Variants in CALHM4 observed in about 807,000 individuals in gnomAD.
CALHM4 encodes calcium homeostasis modulator protein 4.
Under a neutral mutation model 13.3 loss-of-function variants are expected in CALHM4, and 16 were observed. The observed-to-expected ratio is 1.20, with a 90% CI of 0.81 to 1.82. CALHM4 has a LOEUF of 1.82. Among genes scored for constraint, CALHM4 ranks in the 40% most tolerant of loss-of-function variants. The pLI, the probability that CALHM4 is intolerant of heterozygous loss-of-function variation, is 0.00. For synonymous variants in CALHM4, 127 were observed against 137.1 expected (o/e 0.93, Z 0.52); for missense variants, 344 against 374.9 (o/e 0.92, Z 0.68).
Position 116,557,982 on chromosome 6 carries a change from ACTCTCGG to A in CALHM4, c.720_726del (p.Arg241SerfsTer2). The A allele has an allele frequency of 6.2e-7, 1 of 1,613,908 alleles. No individual in the cohort carries two copies. The highest frequency in any genetic ancestry group is 2.2e-5 in the East Asian group (1 of 44,864). On this transcript the variant is annotated frameshift_variant, in exon 2 of 2. Transcript: ENST00000368596. LOFTEE classifies it high-confidence loss of function. ...CTCTTTGAACAAGCAGCAGAGCAGCACTCTCGGCTCCTCATGATGCATCGCATAAAGA... is the reference window on the plus strand; with the variant it reads ...CTCTTTGAACAAGCAGCAGAGCAGCACTCCTCATGATGCATCGCATAAAGA...
chr6:116,541,227 A>T (rs1773433440), intron 1 of CALHM4, among the ~76,000 whole-genome samples: 1 of 152,206 alleles, frequency 6.6e-6, no homozygotes, highest in African/African-American at 2.4e-5. Flanking sequence ...CTGAAAAACG[A>T]CTAGATTTCC....
In CALHM4 at chr6:116,560,966, T is replaced by C. The variant is rs926030620; in HGVS notation, c.*2755T>C. Among the ~76,000 whole-genome samples, 5 of 152,318 alleles carry C rather than the reference T, an allele frequency of 3.3e-5. No homozygotes were observed. The highest frequency in any genetic ancestry group is 9.6e-5 in the African/African-American group (4 of 41,582). On this transcript the variant is annotated 3_prime_UTR_variant, in exon 2 of 2. Coordinates refer to ENST00000368596, the MANE Select transcript of CALHM4 (RefSeq NM_001366078.2). The stretch of plus-strand genomic sequence containing the variant: ...AGACAAATACAAACCAATGTGTAAA[T>C]GTGTTTTACTCAGCTTTCTTTATGT...
intron 1 of CALHM4, among the ~76,000 whole-genome samples, chr6:116,534,846 C>A (rs1231184795): frequency 6.6e-6 from 1 of 152,136 alleles, no homozygotes; most frequent in Non-Finnish European, 1.5e-5. Flanking sequence ...ATATTAGATG[C>A]TGATTTTTTA....
In CALHM4 at chr6:116,557,869, A is replaced by C; in HGVS notation, c.603A>C (p.Leu201Phe). The C allele has an allele frequency of 6.2e-7, 1 of 1,614,056 alleles. No homozygotes were observed. The highest frequency in any genetic ancestry group is 8.5e-7 in the Non-Finnish European group (1 of 1,179,982). The change falls in exon 2 of 2, where the codon TTA (leucine) becomes TTC (phenylalanine). Residue 201 changes from leucine to phenylalanine, a missense_variant. Coordinates refer to ENST00000368596, the MANE Select transcript of CALHM4 (RefSeq NM_001366078.2). ...ILITLATIAA[L>F]VSCCVAKCCS... is the part of the protein sequence containing the mutation. ...TCACCTTGGCAACCATTGCTGCCTT[A>C]GTCTCCTGCTGTGTGGCAAAGTGCT...
chr6:116,540,972 A>G (rs1773414059), intron 1 of CALHM4, among the ~76,000 whole-genome samples: 1 of 152,160 alleles, frequency 6.6e-6, no homozygotes, highest in Non-Finnish European at 1.5e-5. Context: ...GTTGCCAGTG[A>G]GAGTTTCGGC....
intron 2 of CALHM4, chr6:116,545,706 G>C (rs766344942): frequency 4.7e-6 from 2 of 423,084 alleles, no homozygotes; most frequent in African/African-American, 4.1e-5. Flanking sequence ...TGAACAACAG[G>C]ATTGTCTTAT....
chr6:116,540,016 A>T (rs1259079592), intron 1 of CALHM4, among the ~76,000 whole-genome samples: 1 of 152,128 alleles, frequency 6.6e-6, no homozygotes, highest in Non-Finnish European at 1.5e-5. Flanking sequence ...ATCTCCCTCC[A>T]TGTGCTGAAA....
At chr6:116,553,585 T>G (rs978969971), upstream of CALHM4, among the ~76,000 whole-genome samples, 2 of 152,096 alleles carry the variant, frequency 1.3e-5, no homozygotes, top group Admixed American at 6.5e-5. Context: ...CTAAAGGAGC[T>G]CTCCCTCAAT....
chr6:116,534,407 G>A (rs558693009), intron 1 of CALHM4, among the ~76,000 whole-genome samples: 4 of 152,026 alleles, frequency 2.6e-5, no homozygotes, highest in South Asian at 4.2e-4. Flanking sequence ...ATTTTCATTC[G>A]TCCTATAGAT....
intron 1 of CALHM4, among the ~76,000 whole-genome samples, chr6:116,555,419 A>T (rs1774266185): frequency 6.6e-6 from 1 of 152,246 alleles, no homozygotes; most frequent in Non-Finnish European, 1.5e-5. Flanking sequence ...TATTAAACGC[A>T]TACACAGATT....
At chr6:116,538,842 C>A (rs1773256916) in intron 1 of CALHM4, among the ~76,000 whole-genome samples, 1 of 151,984 alleles carries the variant, frequency 6.6e-6, no homozygotes, top group Non-Finnish European at 1.5e-5. Flanking sequence ...AGCCATCCAC[C>A]CCTCTCAGCT....
intron 2 of CALHM4, among the ~76,000 whole-genome samples, chr6:116,546,763 T>C (rs987957269): frequency 1.3e-5 from 2 of 152,194 alleles, no homozygotes; most frequent in Non-Finnish European, 2.9e-5. Context: ...TAGGTTATTC[T>C]TGTGGTTGGA....
chr6:116,545,583 G>A (rs941895159), intron 2 of CALHM4: 12 of 1,390,952 alleles, frequency 8.6e-6, no homozygotes, highest in Non-Finnish European at 4.9e-6. Flanking sequence ...AGGTGTATCA[G>A]TCCATGTCTT....
chr6:116,533,089 C>A (rs73769123), intron 1 of CALHM4, among the ~76,000 whole-genome samples: 4,961 of 152,220 alleles, frequency 0.033, 264 homozygotes, highest in African/African-American at 0.11. Flanking sequence ...TGCCATTTAT[C>A]CTTGCATATC....
At chr6:116,541,292 G>T (rs543656191) in intron 1 of CALHM4, among the ~76,000 whole-genome samples, 1 of 152,300 alleles carries the variant, frequency 6.6e-6, no homozygotes, top group East Asian at 1.9e-4. Flanking sequence ...TTGCAATCTA[G>T]CTGAGAAAAT....
exon 2 of CALHM4, chr6:116,543,821 C>A: frequency 6.5e-7 from 1 of 1,534,224 alleles, no homozygotes; most frequent in African/African-American, 1.4e-5. Context: ...CTAATGGCCC[C>A]CAGATCTGCC....
upstream of CALHM4, among the ~76,000 whole-genome samples, chr6:116,553,286 C>T (rs1302585040): frequency 6.6e-6 from 1 of 152,198 alleles, no homozygotes; most frequent in Non-Finnish European, 1.5e-5. Flanking sequence ...ATCTTTTGAG[C>T]TCTTCTAGCA....
intron 1 of CALHM4, among the ~76,000 whole-genome samples, chr6:116,556,909 C>T (rs1774339848): frequency 6.7e-6 from 1 of 149,782 alleles, no homozygotes; most frequent in African/African-American, 2.4e-5. Context: ...CTACATGGCA[C>T]AGTGACTATG....
chr6:116,558,663 C>T lies in CALHM4; in HGVS notation c.*452C>T, dbSNP rs1030606609. ...TTTTGCATTCCATGTCTTCTATTCACCATTTTCCCTGCCTCTATTTTCTGG... is the reference window on the plus strand; with the variant it reads ...TTTTGCATTCCATGTCTTCTATTCATCATTTTCCCTGCCTCTATTTTCTGG... On this transcript the variant is annotated 3_prime_UTR_variant, in exon 2 of 2. Transcript: ENST00000368596. 6.5e-6 allele frequency: 1 copy of T among 153,748 alleles called. No homozygotes were observed. Among genetic ancestry groups the T allele is most frequent in the Admixed American group, 6.5e-5 (1 of 15,462 alleles). 9.5% of individuals were successfully genotyped at this position (153,748 alleles called of 1,614,324 possible).
Sources: allele counts gnomAD v4.1 joint callset (sites outside exome capture counted in the v4.1 genomes callset), GRCh38; gene constraint gnomAD v4.1.1; transcripts MANE v1.5; gene names NCBI Gene and HGNC (gene_info 2026-07-23, HGNC 2026-07-21).